Variants in TMEFF2 observed in about 807,000 individuals in gnomAD.
TMEFF2 encodes the protein transmembrane protein with EGF like and two follistatin like domains 2.
Under a neutral mutation model 53.8 loss-of-function variants are expected in TMEFF2, and 28 were observed. That is an observed-to-expected ratio of 0.52 (90% CI 0.39 to 0.71). The LOEUF (loss-of-function observed/expected upper bound fraction) is 0.71, where lower values mean the gene tolerates loss of function less well. Among genes scored for constraint, TMEFF2 ranks in the 30% least tolerant of loss-of-function variants. The pLI is 0.00. For synonymous variants in TMEFF2, 162 were observed against 166.3 expected, an observed-to-expected ratio of 0.97 and a Z score of 0.20; for missense variants, 353 against 455.2, an observed-to-expected ratio of 0.78 and a Z score of 2.04.
At chr2:192,152,222 C>T (rs1353447533) in intron 4 of TMEFF2, among the ~76,000 whole-genome samples, 1 of 151,872 alleles carries the variant, frequency 6.6e-6, no homozygotes, top group African/African-American at 2.4e-5. Context: ...ACAGTGAAGG[C>T]TTGTCTTTTG....
chr2:192,005,628 G>A (rs371605689), intron 5 of TMEFF2, among the ~76,000 whole-genome samples: 66 of 152,044 alleles, frequency 4.3e-4, no homozygotes, highest in African/African-American at 1.5e-3. Context: ...TGGTTGTTTC[G>A]GACCTTAACT....
intron 5 of TMEFF2, among the ~76,000 whole-genome samples, chr2:192,039,219 A>G (rs1687413546): frequency 6.6e-6 from 1 of 152,234 alleles, no homozygotes; most frequent in Non-Finnish European, 1.5e-5. Context: ...GAGGATTTAT[A>G]GGAAAAAAAG....
At chr2:192,101,250 A>G (rs778687755) in intron 4 of TMEFF2, among the ~76,000 whole-genome samples, 2 of 152,176 alleles carry the variant, frequency 1.3e-5, no homozygotes, top group Non-Finnish European at 2.9e-5. Flanking sequence ...GGAAGAGAAC[A>G]ATACTGGGGT....
intron 5 of TMEFF2, among the ~76,000 whole-genome samples, chr2:192,004,371 C>A (rs1480973299): frequency 1.3e-5 from 2 of 152,202 alleles, no homozygotes; most frequent in Non-Finnish European, 2.9e-5. Context: ...CAGGCTACTA[C>A]TTCTCATTTG....
At chr2:192,042,959 T>G (rs1687521151) in intron 5 of TMEFF2, among the ~76,000 whole-genome samples, 1 of 152,154 alleles carries the variant, frequency 6.6e-6, no homozygotes, top group African/African-American at 2.4e-5. Flanking sequence ...CTAGGACCAC[T>G]CTTCTCTGCA....
chr2:192,120,165 T>A (rs1689515586), intron 4 of TMEFF2, among the ~76,000 whole-genome samples: 1 of 152,138 alleles, frequency 6.6e-6, no homozygotes, highest in Admixed American at 6.5e-5. Flanking sequence ...CCCTGCTAAA[T>A]ACCCTAACAG....
At chr2:192,022,079 G>A (rs1452526082) in intron 5 of TMEFF2, 1 of 152,186 alleles carries the variant, frequency 6.6e-6, no homozygotes, top group Non-Finnish European at 1.5e-5. Flanking sequence ...ATACCCATTA[G>A]TCTCTGCACA....
intron 4 of TMEFF2, among the ~76,000 whole-genome samples, chr2:192,104,575 A>G (rs1689103303): frequency 6.6e-6 from 1 of 152,100 alleles, no homozygotes; most frequent in South Asian, 2.1e-4. Flanking sequence ...CAAAAACCTG[A>G]CAATTTTAAA....
At chr2:192,021,855 A>C (rs543274220) in intron 5 of TMEFF2, 1 of 152,284 alleles carries the variant, frequency 6.6e-6, no homozygotes, top group East Asian at 1.9e-4. Flanking sequence ...AAATACAGGA[A>C]CTAAGTCCTT....
intron 5 of TMEFF2, among the ~76,000 whole-genome samples, chr2:192,040,822 GTA>G (rs1687457639): frequency 6.6e-6 from 1 of 152,102 alleles, no homozygotes; most frequent in Admixed American, 6.5e-5. Context: ...ATAAATCTTT[GTA>G]TACAGGGTCA....
chr2:192,132,159 T>C (rs1689852948), intron 4 of TMEFF2, among the ~76,000 whole-genome samples: 2 of 152,148 alleles, frequency 1.3e-5, no homozygotes, highest in Non-Finnish European at 2.9e-5. Context: ...TCCTCCACCC[T>C]GTAATCTTTT....
At chr2:192,070,055 TG>T (rs1688260710) in intron 4 of TMEFF2, among the ~76,000 whole-genome samples, 1 of 139,436 alleles carries the variant, frequency 7.2e-6, no homozygotes. Flanking sequence ...TCTTCACGTT[TG>T]GGGGGAAAAT....
intron 4 of TMEFF2, among the ~76,000 whole-genome samples, chr2:192,060,728 G>A (rs529736212): frequency 3.3e-5 from 5 of 152,130 alleles, no homozygotes; most frequent in Admixed American, 2.6e-4. Flanking sequence ...TAACAGGAAA[G>A]ATCAGTGCTT....
chr2:191,989,304 A>G (rs972455358), intron 7 of TMEFF2, among the ~76,000 whole-genome samples: 4 of 152,174 alleles, frequency 2.6e-5, no homozygotes, highest in African/African-American at 4.8e-5. Context: ...CCACCCAGAA[A>G]TGGAAACTCA....
chr2:192,099,482 G>A (rs890359460), intron 4 of TMEFF2, among the ~76,000 whole-genome samples: 18 of 152,028 alleles, frequency 1.2e-4, no homozygotes, highest in African/African-American at 4.1e-4. Context: ...TTCCCATTGT[G>A]TTTCGAATTT....
At chr2:192,060,686 G>A (rs1359902206) in intron 4 of TMEFF2, among the ~76,000 whole-genome samples, 2 of 152,154 alleles carry the variant, frequency 1.3e-5, no homozygotes, top group East Asian at 3.9e-4. Context: ...AAATTGGACT[G>A]TTGCTTCTTT....
At chr2:192,042,868 C>T (rs577553598) in intron 5 of TMEFF2, among the ~76,000 whole-genome samples, 1 of 152,208 alleles carries the variant, frequency 6.6e-6, no homozygotes, top group East Asian at 1.9e-4. Flanking sequence ...TCACACACAC[C>T]AAAAGGGTCC....
chr2:192,133,420 T>C (rs79852277), intron 4 of TMEFF2, among the ~76,000 whole-genome samples: 1 of 152,174 alleles, frequency 6.6e-6, no homozygotes, highest in African/African-American at 2.4e-5. Context: ...TCCCACAGCA[T>C]GCTCTGAAAG....
intron 7 of TMEFF2, among the ~76,000 whole-genome samples, chr2:191,964,362 T>C (rs1466253489): frequency 3.0e-5 from 3 of 101,002 alleles, no homozygotes; most frequent in African/African-American, 9.0e-5. Flanking sequence ...CTTTCTTTCT[T>C]TCTTTCTTTC....
Sources: gnomAD v4.1 joint callset for allele counts (sites outside exome capture counted in the v4.1 genomes callset) on GRCh38, gnomAD v4.1.1 for gene constraint, MANE v1.5 for transcripts, NCBI Gene and HGNC (gene_info 2026-07-23, HGNC 2026-07-21) for gene names.